Variants in CNBD1 observed in about 807,000 individuals in gnomAD.
CNBD1 encodes cyclic nucleotide-binding domain-containing protein 1.
Under a neutral mutation model 54.4 loss-of-function variants are expected in CNBD1, and 71 were observed. The observed-to-expected ratio is 1.30, with a 90% CI of 1.08 to 1.59. CNBD1 has a LOEUF of 1.59. Ranked by LOEUF, CNBD1 falls within the 40% of genes most tolerant of loss-of-function variation. The pLI, the probability that CNBD1 is intolerant of heterozygous loss-of-function variation, is 0.00. For synonymous variants in CNBD1, 182 were observed against 170.7 expected (o/e 1.07, Z -0.51); for missense variants, 659 against 518.0 (o/e 1.27, Z -2.64).
rs74864549 is a variant in CNBD1 at position 87,338,941 on chromosome 8, A to G, written c.1043-12744A>G. Among the ~76,000 whole-genome samples, 1,254 of 152,206 alleles carry G rather than the reference A, an allele frequency of 8.2e-3. 4 individuals are homozygous for G. Among genetic ancestry groups the G allele is most frequent in the Non-Finnish European group, 0.014 (949 of 68,002 alleles). On this transcript the variant is annotated intron_variant, in intron 8 of 10. Transcript: ENST00000518476. The stretch of plus-strand genomic sequence containing the variant: ...CAGACCTCAGTGTTTTAGTAAGCCC[A>G]TGTCTCTGAACTGTAAACTTCACAT...
At chr8:87,013,113 A>G (rs186072933) in intron 4 of CNBD1, among the ~76,000 whole-genome samples, 84 of 152,346 alleles carry the variant, frequency 5.5e-4, no homozygotes, top group African/African-American at 2.0e-3. Context: ...AGTGGAGCTA[A>G]GGTACAAGCA....
At chr8:87,318,635 G>A (rs1053113590) in intron 8 of CNBD1, among the ~76,000 whole-genome samples, 8 of 151,806 alleles carry the variant, frequency 5.3e-5, no homozygotes, top group Non-Finnish European at 8.8e-5. Context: ...AGTCAGTAAA[G>A]GAATTAGATA....
At chr8:87,194,764 A>G (rs1161842121) in intron 4 of CNBD1, among the ~76,000 whole-genome samples, 1 of 151,670 alleles carries the variant, frequency 6.6e-6, no homozygotes, top group African/African-American at 2.4e-5. Flanking sequence ...GAGGGACTGG[A>G]GTTATTTGAT....
intron 10 of CNBD1, among the ~76,000 whole-genome samples, chr8:87,378,860 G>C (rs1303908457): frequency 1.3e-5 from 2 of 149,222 alleles, no homozygotes; most frequent in African/African-American, 5.0e-5. Context: ...TCCTTGAAAA[G>C]GTCCTTCATA....
intron 4 of CNBD1, among the ~76,000 whole-genome samples, chr8:86,968,969 C>T (rs1224675809): frequency 6.6e-6 from 1 of 151,976 alleles, no homozygotes; most frequent in Non-Finnish European, 1.5e-5. Flanking sequence ...ATCTTGGAGC[C>T]CACAAGGAAT....
At chr8:87,204,000 G>A (rs1209549213) in intron 4 of CNBD1, among the ~76,000 whole-genome samples, 3 of 152,094 alleles carry the variant, frequency 2.0e-5, no homozygotes, top group African/African-American at 7.2e-5. Flanking sequence ...TTTTTTGGGA[G>A]GAACACCTGG....
At chr8:87,224,100 T>A (rs1814416301) in intron 5 of CNBD1, among the ~76,000 whole-genome samples, 1 of 151,782 alleles carries the variant, frequency 6.6e-6, no homozygotes, top group Admixed American at 6.5e-5. Flanking sequence ...TTTGTTTTTT[T>A]CTTGTAAATT....
intron 4 of CNBD1, among the ~76,000 whole-genome samples, chr8:87,069,353 T>A (rs1810716441): frequency 6.6e-6 from 1 of 152,098 alleles, no homozygotes; most frequent in Admixed American, 6.6e-5. Flanking sequence ...AGGCTGCATA[T>A]ATGATAGTTG....
intron 1 of CNBD1, among the ~76,000 whole-genome samples, chr8:86,872,118 C>T (rs763588176): frequency 1.3e-5 from 2 of 152,098 alleles, no homozygotes; most frequent in Non-Finnish European, 2.9e-5. Context: ...GTTAACTCTA[C>T]CTTAATCTGG....
chr8:87,416,638 G>A (rs535319856), intron 2 of CNBD1, among the ~76,000 whole-genome samples: 15 of 152,020 alleles, frequency 9.9e-5, no homozygotes, highest in Admixed American at 3.3e-4. Context: ...TTGGAAGTTT[G>A]TTGTTGTTAT....
At chr8:87,089,080 A>G (rs1444697168) in intron 4 of CNBD1, among the ~76,000 whole-genome samples, 3 of 152,170 alleles carry the variant, frequency 2.0e-5, no homozygotes, top group Non-Finnish European at 4.4e-5. Context: ...GATAAAAAAG[A>G]GAAACAAAAG....
chr8:86,957,456 T>C (rs1384427076), intron 4 of CNBD1, among the ~76,000 whole-genome samples: 10 of 152,198 alleles, frequency 6.6e-5, no homozygotes, highest in Non-Finnish European at 1.5e-4. Flanking sequence ...ATCCAGCTGG[T>C]CCTGGACTTT....
At chr8:87,063,609 C>T (rs36009144) in intron 4 of CNBD1, among the ~76,000 whole-genome samples, 5,630 of 151,836 alleles carry the variant, frequency 0.037, 122 homozygotes, top group Middle Eastern at 0.054. Flanking sequence ...TCTGGACCCT[C>T]GAATCACTAT....
In CNBD1 at chr8:87,186,581, G is replaced by A. The variant is rs182847693; in HGVS notation, c.432-19412G>A. On this transcript the variant is annotated intron_variant, in intron 4 of 10. Transcript: ENST00000518476. Reference sequence around the variant, plus strand: ...TAAAGACAGTTGTATACACTGCTGGGAGAAACTAAATATAAGCAGCTCTTT... The same window carrying A: ...TAAAGACAGTTGTATACACTGCTGGAAGAAACTAAATATAAGCAGCTCTTT... 4.8e-3 allele frequency among the ~76,000 whole-genome samples: 730 copies of A among 152,092 alleles called. 6 individuals are homozygous for A. The highest frequency in any genetic ancestry group is 0.01 in the Middle Eastern group (3 of 294).
rs928712629 is a variant in CNBD1 at position 87,406,550 on chromosome 8, G to C, written c.214-21996G>C. The stretch of plus-strand genomic sequence containing the variant: ...GCTGGAGTTCAGTGGCACGATCTCA[G>C]CTTACTGCAACTTCTGCCTCCTGGG... On this transcript the variant is annotated intron_variant, in intron 2 of 7. Transcript: ENST00000521593. Among the ~76,000 whole-genome samples the C allele has an allele frequency of 2.0e-5, 3 of 147,900 alleles. No homozygotes were observed. The South Asian group carries it at 6.3e-4, about 31-fold the overall frequency.
intron 4 of CNBD1, among the ~76,000 whole-genome samples, chr8:87,131,237 A>G (rs1812112642): frequency 6.6e-6 from 1 of 152,070 alleles, no homozygotes; most frequent in South Asian, 2.1e-4. Context: ...TTATATTTTT[A>G]CTACTTTTTA....
At chr8:87,134,581 T>C (rs1406080019) in intron 4 of CNBD1, among the ~76,000 whole-genome samples, 3 of 150,826 alleles carry the variant, frequency 2.0e-5, no homozygotes, top group Non-Finnish European at 4.4e-5. Context: ...TTCACCTTTG[T>C]TAATTAGATT....
At chr8:86,950,449 T>A (rs1262229437) in intron 4 of CNBD1, among the ~76,000 whole-genome samples, 1 of 152,172 alleles carries the variant, frequency 6.6e-6, no homozygotes, top group Non-Finnish European at 1.5e-5. Flanking sequence ...ATCACATTGA[T>A]TGATTTGCAT....
At chr8:86,918,875 C>T (rs186263565) in intron 3 of CNBD1, among the ~76,000 whole-genome samples, 2 of 151,470 alleles carry the variant, frequency 1.3e-5, no homozygotes, top group African/African-American at 2.4e-5. Context: ...GTACACTGTA[C>T]CCATTACATA....
Sources: gnomAD v4.1 joint callset for allele counts (sites outside exome capture counted in the v4.1 genomes callset) on GRCh38, gnomAD v4.1.1 for gene constraint, MANE v1.5 for transcripts, NCBI Gene and HGNC (gene_info 2026-07-23, HGNC 2026-07-21) for gene names.